The following CAPN10 variants were observed in gnomAD, a reference collection of about 807,000 sequenced individuals.
CAPN10 encodes calpain 10, also known as calpain-10.
Under a neutral mutation model 78.4 loss-of-function variants are expected in CAPN10, and 71 were observed. The ratio of observed to expected loss-of-function variants is 0.91; its 90% CI spans 0.75 to 1.10. CAPN10 has a LOEUF of 1.10. CAPN10 is among the 50% of genes least tolerant of loss of function. The probability of loss-of-function intolerance (pLI) is 0.00; values close to 1 mark genes in which losing one functional copy is unlikely to be tolerated. For missense variants in CAPN10, 849 were observed against 924.6 expected (o/e 0.92, Z 1.06); for synonymous variants, 437 against 407.2 (o/e 1.07, Z -0.88).
In CAPN10 at chr2:240,598,021, T is replaced by C; in HGVS notation, c.1877T>C (p.Val626Ala). 3 of 1,613,256 alleles carry C rather than the reference T, an allele frequency of 1.9e-6. No homozygotes were observed. The highest frequency in any genetic ancestry group is 2.5e-6 in the Non-Finnish European group (3 of 1,179,920). Residue 626 changes from valine to alanine, a missense_variant, in exon 10 of 12, where the codon GTG (valine) becomes GCG (alanine). Val to Ala is a moderately conservative substitution (Grantham distance 64, BLOSUM62 0). Transcript: ENST00000391984. ...CLLPAGTYKV[V>A]PSTYLPDTEG... Reference sequence around the variant, plus strand: ...CTGCCTGCGGGCACCTACAAGGTTGTGCCCTCCACCTACCTGCCGGACACA... The same window carrying C: ...CTGCCTGCGGGCACCTACAAGGTTGCGCCCTCCACCTACCTGCCGGACACA...
At chr2:240,591,218 C>G in intron 3 of CAPN10, 1 of 567,624 alleles carries the variant, frequency 1.8e-6, no homozygotes, top group Non-Finnish European at 3.1e-6. Context: ...TCCCTGCTTT[C>G]CCTTCCCTTG....
Position 240,597,932 on chromosome 2 carries a change from G to T in CAPN10, c.1788G>T (p.Leu596=), listed in dbSNP as rs139512421. The change falls in exon 10 of 12, where the codon CTG becomes CTT. Residue 596 remains leucine, a synonymous_variant. Coordinates refer to ENST00000391984, the MANE Select transcript of CAPN10 (RefSeq NM_023083.4). The part of the protein sequence containing the change: ...GRSQDAPPLL[L]QEPLLSCVPH... ...GCCAGGACGCACCCCCACTGCTGCT[G>T]CAGGAGCCGCTGCTGAGCTGCGTGC... 1 of 1,612,170 alleles carries T rather than the reference G, an allele frequency of 6.2e-7. No individual in the cohort carries two copies. Among genetic ancestry groups the T allele is most frequent in the Non-Finnish European group, 8.5e-7 (1 of 1,179,672 alleles).
rs562195434 is a variant in CAPN10, at chr2:240,597,069, C to T, written c.1743+127C>T. 49 of 1,197,416 alleles carry T rather than the reference C, an allele frequency of 4.1e-5. No homozygotes were observed. The Middle Eastern group carries it at 1.1e-3, about 28-fold the overall frequency. The allele number at this position is 1,197,416 out of a possible 1,614,324, so 74.2% of individuals were successfully genotyped here. The stretch of plus-strand genomic sequence containing the variant: ...CTTGGGCTCCCCCTGCCCTTCGAGG[C>T]GCTGCCTAGAACCCGCACAGGGCCC... On this transcript the variant is annotated intron_variant, in intron 9 of 11. Transcript: ENST00000391984.
rs972602074 is a variant in CAPN10, at chr2:240,598,889, AG to A, written c.*212del. The A allele has an allele frequency of 4.7e-5, 28 of 599,098 alleles. No individual in the cohort carries two copies. In the African/African-American group the frequency reaches 5.2e-4, roughly 11 times the overall value. 37.1% of individuals were successfully genotyped at this position (599,098 alleles called of 1,614,324 possible). On this transcript the variant is annotated 3_prime_UTR_variant, in exon 12 of 12. Transcript: ENST00000391984. ...TGGGGGCCAGCTGGTGCTGCAAGGA[AG>A]GGTGGGAAGCTTGCTGGCTTCTGTT...
Position 240,598,970 on chromosome 2 carries a change from C to G in CAPN10, c.*290C>G. Reference sequence around the variant, plus strand: ...TCCCAGAGCTTCCCAGGATCCCTCCCAGATCCTCTGCTGACTCCATATGGA... The same window carrying G: ...TCCCAGAGCTTCCCAGGATCCCTCCGAGATCCTCTGCTGACTCCATATGGA... On this transcript the variant is annotated 3_prime_UTR_variant, in exon 12 of 12. Coordinates refer to ENST00000391984, the MANE Select transcript of CAPN10 (RefSeq NM_023083.4). 1 of 536,038 alleles carries G rather than the reference C, an allele frequency of 1.9e-6. No homozygotes were observed. Among genetic ancestry groups the G allele is most frequent in the Non-Finnish European group, 3.4e-6 (1 of 298,028 alleles). The allele number at this position is 536,038 out of a possible 1,614,324, so 33.2% of individuals were successfully genotyped here.
Position 240,596,427 on chromosome 2 carries a change from C to A in CAPN10, c.1387C>A (p.Pro463Thr), listed in dbSNP as rs1300462390. Residue 463 changes from proline (P) to threonine (T), a missense_variant, in exon 8 of 12, where the codon CCG becomes ACG. By Grantham distance (38) the Pro-to-Thr change is conservative. Transcript: ENST00000391984. Reference sequence around the variant, plus strand: ...GGTCCACCTGCGTTGTGAGCTCTCACCGGGCTACTACCTGGCTGTCCCCAG... The same window carrying A: ...GGTCCACCTGCGTTGTGAGCTCTCAACGGGCTACTACCTGGCTGTCCCCAG... ...REVHLRCELS[P>T]GYYLAVPSTF... 2 of 1,613,760 alleles carry A rather than the reference C, an allele frequency of 1.2e-6. No homozygotes were observed. The highest frequency in any genetic ancestry group is 1.7e-6 in the Non-Finnish European group (2 of 1,179,974).
Position 240,590,946 on chromosome 2 carries a change from CTG to C in CAPN10, c.407_408del (p.Cys136PhefsTer143). On this transcript the variant is annotated frameshift_variant, in exon 3 of 12. Coordinates refer to ENST00000391984, the MANE Select transcript of CAPN10 (RefSeq NM_023083.4). LOFTEE classifies it high-confidence loss of function. The part of the protein sequence containing the change: ...DRLPCLAGRL[C>X]FSRCQREDVF... ...GCCTGCCGTGCCTTGCAGGGAGACT[CTG>C]TTTCTCCCGCTGCCAGAGGGAGGAT... The C allele has an allele frequency of 6.2e-7, 1 of 1,614,238 alleles. No homozygotes were observed. Among genetic ancestry groups the C allele is most frequent in the Non-Finnish European group, 8.5e-7 (1 of 1,180,044 alleles).
At chr2:240,594,507 C>T (rs771401094) in intron 5 of CAPN10, 36 bp from the exon 6 acceptor site, 10 of 1,592,052 alleles carry the variant, frequency 6.3e-6, no homozygotes, top group East Asian at 4.5e-5. Context: ...TACCAGTTCT[C>T]GGGAGGGGCT....
chr2:240,591,608 A>T, intron 3 of CAPN10: 1 of 390,890 alleles, frequency 2.6e-6, no homozygotes, highest in Non-Finnish European at 4.6e-6. Context: ...GTTTTAGGAA[A>T]AGCAGGGTTG....
In CAPN10 at chr2:240,586,813, G is replaced by C. The variant is rs1007319525; in HGVS notation, c.-99G>C. The C allele has an allele frequency of 7.5e-6, 9 of 1,197,028 alleles. No individual in the cohort carries two copies. Among genetic ancestry groups the C allele is most frequent in the African/African-American group, 1.6e-5 (1 of 62,264 alleles). 74.2% of individuals were successfully genotyped at this position (1,197,028 alleles called of 1,614,324 possible). On this transcript the variant is annotated 5_prime_UTR_variant, in exon 1 of 12. Transcript: ENST00000391984. ...TGGAGGGCTGGGCCGGGCGGGGAAC[G>C]GGCGGGGCGGGCCGGAGGCGGCGGC...
At chr2:240,593,444 GC>G (rs1241647155) in intron 4 of CAPN10, among the ~76,000 whole-genome samples, 1 of 152,232 alleles carries the variant, frequency 6.6e-6, no homozygotes, top group Non-Finnish European at 1.5e-5. Flanking sequence ...TGGAGCTGTT[GC>G]CCCCCTGGGC....
intron 11 of CAPN10, 74 bp from the exon 12 acceptor site, chr2:240,598,577 C>T: frequency 6.6e-7 from 1 of 1,516,002 alleles, no homozygotes; most frequent in East Asian, 2.4e-5. Context: ...GTCCCATTCC[C>T]TGGCTGCACT....
chr2:240,593,263 C>G (rs2093114428), intron 4 of CAPN10, among the ~76,000 whole-genome samples: 1 of 152,268 alleles, frequency 6.6e-6, no homozygotes, highest in African/African-American at 2.4e-5. Flanking sequence ...CTGGCACTGA[C>G]TGGAGGTGCA....
chr2:240,596,563 A>G, intron 8 of CAPN10, 42 bp downstream of exon 8: 2 of 1,556,828 alleles, frequency 1.3e-6, no homozygotes, highest in Non-Finnish European at 1.7e-6. Flanking sequence ...CCGAGGCCAC[A>G]GGCCCTTCCA....
At chr2:240,594,284 G>A (rs566600801) in intron 5 of CAPN10, 23 of 578,502 alleles carry the variant, frequency 4.0e-5, no homozygotes, top group Non-Finnish European at 6.6e-5. Context: ...TCACGGGCTC[G>A]GGCAGCAGTC....
intron 6 of CAPN10, 23 bp from the exon 7 acceptor site, chr2:240,595,001 G>A: frequency 1.2e-6 from 2 of 1,611,158 alleles, no homozygotes; most frequent in Non-Finnish European, 1.7e-6. Context: ...TCCCACAGCT[G>A]ATGCCTGGTG....
At chr2:240,593,031 G>A (rs2093112639) in intron 4 of CAPN10, among the ~76,000 whole-genome samples, 1 of 152,218 alleles carries the variant, frequency 6.6e-6, no homozygotes, top group African/African-American at 2.4e-5. Flanking sequence ...TCAGGAGCAC[G>A]TTGAGAGGTT....
At chr2:240,595,804 T>G in intron 7 of CAPN10, 1 of 564,370 alleles carries the variant, frequency 1.8e-6, no homozygotes, top group Non-Finnish European at 3.1e-6. Context: ...GCTCAACCAC[T>G]GGTTCACAAA....
At chr2:240,594,980 G>A (rs771105053) in intron 6 of CAPN10, 44 bp from the exon 7 acceptor site, 18 of 1,599,238 alleles carry the variant, frequency 1.1e-5, no homozygotes, top group East Asian at 2.2e-5. Flanking sequence ...GGAGGCCAGC[G>A]AGGAGCCGTG....
Sources: gnomAD v4.1 joint callset for allele counts (sites outside exome capture counted in the v4.1 genomes callset) on GRCh38, gnomAD v4.1.1 for gene constraint, MANE v1.5 for transcripts, NCBI Gene and HGNC (gene_info 2026-07-23, HGNC 2026-07-21) for gene names.